The following HDAC9 variants were observed in gnomAD, a reference collection of about 807,000 sequenced individuals.
HDAC9 encodes the protein histone deacetylase 9.
HDAC9 carries 41 observed loss-of-function variants against 139.4 expected under a neutral mutation model. The observed-to-expected ratio is 0.29, with a 90% CI of 0.23 to 0.38. The LOEUF is 0.38. HDAC9 is among the 10% of genes least tolerant of loss of function. The probability of loss-of-function intolerance (pLI) is 1.00; values close to 1 mark genes in which losing one functional copy is unlikely to be tolerated. For synonymous variants in HDAC9, 517 were observed against 476.2 expected (o/e 1.09, Z -1.12); for missense variants, 1,147 against 1,297.0 (o/e 0.88, Z 1.78).
chr7:18,910,391 A>T (rs1206848511), intron 22 of HDAC9, among the ~76,000 whole-genome samples: 2 of 151,940 alleles, frequency 1.3e-5, no homozygotes, highest in African/African-American at 2.4e-5. Flanking sequence ...GATTTTTTGT[A>T]GGTTGATTTT....
Position 18,981,012 on chromosome 7 carries a change from A to G in HDAC9, c.3170+5059A>G, listed in dbSNP as rs1159106366. Among the ~76,000 whole-genome samples the G allele has an allele frequency of 3.3e-5, 5 of 151,864 alleles. No homozygotes were observed. In the South Asian group the frequency reaches 8.3e-4, roughly 25 times the overall value. Reference sequence around the variant, plus strand: ...CTAATTTTTTTTGTATTTTTAGTAGAGATGGGGTTTTACCGTGTTAGTCAG... The same window carrying G: ...CTAATTTTTTTTGTATTTTTAGTAGGGATGGGGTTTTACCGTGTTAGTCAG... On this transcript the variant is annotated intron_variant, in intron 25 of 25. Transcript: ENST00000686413.
At chr7:18,658,899 C>CAAAAAAAAAAAAAAAAAAACA (rs11306117) in intron 11 of HDAC9, among the ~76,000 whole-genome samples, 1 of 118,150 alleles carries the variant, frequency 8.5e-6, no homozygotes, top group Non-Finnish European at 2.0e-5. Context: ...AAAAAAAAAG[C>CAAAAAAAAAAAAAAAAAAACA]AAAAAAAAAA....
upstream of HDAC9, among the ~76,000 whole-genome samples, chr7:18,490,938 G>C (rs1796318705): frequency 6.6e-6 from 1 of 151,872 alleles, no homozygotes; most frequent in Admixed American, 6.6e-5. Flanking sequence ...GGTATTTGAG[G>C]TAATTAAGTT....
intron 2 of HDAC9, 143 bp from the exon 3 acceptor site, chr7:18,585,138 T>A (rs1474562858): frequency 1.1e-6 from 1 of 887,012 alleles, no homozygotes; most frequent in African/African-American, 1.7e-5. Flanking sequence ...TATATCATCA[T>A]TGTAAAGAAA....
intron 2 of HDAC9, among the ~76,000 whole-genome samples, chr7:18,201,066 T>C (rs1791082057): frequency 6.6e-6 from 1 of 152,136 alleles, no homozygotes; most frequent in Non-Finnish European, 1.5e-5. Context: ...CCCAGTTCCT[T>C]AGTTCTCACA....
intron 13 of HDAC9, among the ~76,000 whole-genome samples, chr7:18,737,058 T>C (rs1181896906): frequency 6.6e-6 from 1 of 152,242 alleles, no homozygotes; most frequent in Non-Finnish European, 1.5e-5. Context: ...GTAGTTTGTA[T>C]TTCTGTGGGA....
chr7:18,359,078 G>A (rs975138618), intron 1 of HDAC9, among the ~76,000 whole-genome samples: 8 of 152,284 alleles, frequency 5.3e-5, no homozygotes, highest in South Asian at 2.1e-4. Context: ...CAGTGAGGCC[G>A]GGCACAGTGG....
At chr7:18,133,151 A>C (rs1785138163) in intron 1 of HDAC9, among the ~76,000 whole-genome samples, 1 of 152,182 alleles carries the variant, frequency 6.6e-6, no homozygotes, top group Non-Finnish European at 1.5e-5. Flanking sequence ...TTGCATTGGA[A>C]AATACATTGG....
intron 23 of HDAC9, among the ~76,000 whole-genome samples, chr7:18,945,849 C>A (rs1410022095): frequency 6.6e-6 from 1 of 151,476 alleles, no homozygotes; most frequent in Non-Finnish European, 1.5e-5. Flanking sequence ...CCATCCTAAC[C>A]AACATGGTGA....
rs544332310 is a variant in HDAC9, at chr7:18,339,274, T to C, written c.-42+48759T>C. On this transcript the variant is annotated intron_variant, in intron 1 of 3. Coordinates refer to the HDAC9 transcript ENST00000413509. ...CTTTCTATTTTACTGATTTCCACTCTGATCTTCATTATTGCCTTTCTTCAA... is the reference window on the plus strand; with the variant it reads ...CTTTCTATTTTACTGATTTCCACTCCGATCTTCATTATTGCCTTTCTTCAA... Among the ~76,000 whole-genome samples the C allele has an allele frequency of 2.0e-5, 3 of 151,580 alleles. 1 individual carries two copies. The South Asian group carries it at 6.2e-4, about 31-fold the overall frequency.
At chr7:18,787,349 C>A (rs1310048917) in intron 16 of HDAC9, among the ~76,000 whole-genome samples, 2 of 152,136 alleles carry the variant, frequency 1.3e-5, no homozygotes, top group Non-Finnish European at 2.9e-5. Flanking sequence ...ACTTCTCAAC[C>A]CCAGTTTTGG....
At chr7:18,458,325 G>A (rs1793531318) in intron 1 of HDAC9, among the ~76,000 whole-genome samples, 1 of 152,162 alleles carries the variant, frequency 6.6e-6, no homozygotes, top group South Asian at 2.1e-4. Context: ...TAACTTAGAT[G>A]AGCATATGTG....
At chr7:18,603,198 A>C (rs1371525469) in intron 6 of HDAC9, among the ~76,000 whole-genome samples, 2 of 152,158 alleles carry the variant, frequency 1.3e-5, no homozygotes, top group East Asian at 3.9e-4. Context: ...CTTATATTTA[A>C]AGTGGGTTTC....
rs371134945 is a variant in HDAC9 at position 18,935,858 on chromosome 7, G to T, written c.2853G>T (p.Val951=). The change falls in exon 23 of 26, where the codon GTG becomes GTT. Residue 951 remains valine (V), a synonymous_variant. Coordinates refer to ENST00000686413, the MANE Select transcript of HDAC9 (RefSeq NM_178425.4). ...KQLMTLADGR[V]VLALEGGHDL... is the part of the protein sequence containing the mutation. The stretch of plus-strand genomic sequence containing the variant: ...TGATGACATTGGCTGATGGACGTGT[G>T]GTGTTGGCTCTAGAAGGAGGACATG... 3.1e-6 allele frequency: 5 copies of T among 1,613,714 alleles called. No individual in the cohort carries two copies. The African/African-American group carries it at 6.7e-5, about 22-fold the overall frequency.
At chr7:18,670,662 C>T (rs1157556763) in intron 12 of HDAC9, among the ~76,000 whole-genome samples, 1 of 151,954 alleles carries the variant, frequency 6.6e-6, no homozygotes, top group Non-Finnish European at 1.5e-5. Context: ...AACCTAGGCA[C>T]TTTGGCACCA....
intron 1 of HDAC9, among the ~76,000 whole-genome samples, chr7:18,400,930 A>G (rs1037761963): frequency 7.9e-5 from 12 of 152,332 alleles, no homozygotes; most frequent in Non-Finnish European, 1.6e-4. Context: ...TTGAGCTATC[A>G]GAAGCTAAAT....
At chr7:18,682,923 G>A (rs140805068) in intron 12 of HDAC9, among the ~76,000 whole-genome samples, 13 of 152,092 alleles carry the variant, frequency 8.5e-5, no homozygotes, top group African/African-American at 3.1e-4. Flanking sequence ...GGAGGTTGCA[G>A]TGAACTGATA....
chr7:18,892,588 C>G (rs1352353670), intron 22 of HDAC9: 1 of 152,070 alleles, frequency 6.6e-6, no homozygotes, highest in Non-Finnish European at 1.5e-5. Context: ...CCTGGAAGGT[C>G]ATATTGTTTA....
At chr7:18,747,680 G>C (rs1340008881) in intron 13 of HDAC9, among the ~76,000 whole-genome samples, 1 of 152,146 alleles carries the variant, frequency 6.6e-6, no homozygotes, top group Non-Finnish European at 1.5e-5. Flanking sequence ...GAAAATGTGA[G>C]AATCAGGGGA....
Sources: allele counts gnomAD v4.1 joint callset (sites outside exome capture counted in the v4.1 genomes callset), GRCh38; gene constraint gnomAD v4.1.1; transcripts MANE v1.5; gene names NCBI Gene and HGNC (gene_info 2026-07-23, HGNC 2026-07-21).